Variants in STK32B observed in about 807,000 individuals in gnomAD.
The protein encoded by STK32B is serine/threonine-protein kinase 32B.
Under a neutral mutation model 52.6 loss-of-function variants are expected in STK32B, and 43 were observed. The ratio of observed to expected loss-of-function variants is 0.82; its 90% CI spans 0.64 to 1.05. The LOEUF is 1.05. Ranked by LOEUF, STK32B falls within the 50% of genes least tolerant of loss-of-function variation. The probability of loss-of-function intolerance (pLI) is 0.00; values close to 1 mark genes in which losing one functional copy is unlikely to be tolerated. For missense variants in STK32B, 621 were observed against 534.6 expected (o/e 1.16, Z -1.59); for synonymous variants, 238 against 204.3 (o/e 1.17, Z -1.41).
chr4:5,132,719 C>T (rs1176843037), intron 1 of STK32B, among the ~76,000 whole-genome samples: 2 of 152,092 alleles, frequency 1.3e-5, no homozygotes, highest in Non-Finnish European at 2.9e-5. Flanking sequence ...ATTTAACCTA[C>T]CAAGTATATG....
At chr4:5,343,281 A>T (rs2108973484) in intron 4 of STK32B, among the ~76,000 whole-genome samples, 1 of 152,062 alleles carries the variant, frequency 6.6e-6, no homozygotes, top group South Asian at 2.1e-4. Context: ...ACATGACCTC[A>T]TCATTTTTTA....
chr4:5,463,575 T>C (rs1194326652), intron 9 of STK32B, among the ~76,000 whole-genome samples: 1 of 151,570 alleles, frequency 6.6e-6, no homozygotes, highest in African/African-American at 2.4e-5. Flanking sequence ...TACCTACTCA[T>C]CCTACACAAG....
At position 5,185,439 on chromosome 4, in the gene STK32B, C is replaced by CAGA. The variant is rs1720672372; in HGVS notation, c.260+16990_260+16992dup. On this transcript the variant is annotated intron_variant, in intron 3 of 11. Coordinates refer to ENST00000282908, the MANE Select transcript of STK32B (RefSeq NM_018401.3). ...TAAGCCAAGAAACAATCACTTAAAT[C>CAGA]AGAGGCTACATTTTAAGTGTTGAGA... Among the ~76,000 whole-genome samples the CAGA allele has an allele frequency of 4.6e-5, 7 of 152,312 alleles. No homozygotes were observed. In the South Asian group the frequency reaches 1.4e-3, roughly 32 times the overall value.
intron 4 of STK32B, among the ~76,000 whole-genome samples, chr4:5,371,558 G>T (rs1174839471): frequency 6.6e-6 from 1 of 152,188 alleles, no homozygotes; most frequent in Non-Finnish European, 1.5e-5. Context: ...TCGCGCGGTT[G>T]TTGTAAAGAC....
intron 1 of STK32B, among the ~76,000 whole-genome samples, chr4:5,086,132 C>T (rs1489846443): frequency 6.6e-6 from 1 of 152,146 alleles, no homozygotes; most frequent in Non-Finnish European, 1.5e-5. Context: ...AAATAGGGCT[C>T]AAAAGCTTCT....
intron 11 of STK32B, among the ~76,000 whole-genome samples, chr4:5,478,252 C>T (rs923333537): frequency 6.6e-6 from 1 of 152,164 alleles, no homozygotes; most frequent in Non-Finnish European, 1.5e-5. Context: ...AAATCAATCC[C>T]CCATGACTCA....
chr4:5,406,253 G>T (rs1443044533), intron 5 of STK32B, among the ~76,000 whole-genome samples: 1 of 152,214 alleles, frequency 6.6e-6, no homozygotes, highest in Non-Finnish European at 1.5e-5. Context: ...AAGGCCTTGG[G>T]CATCTCTGCC....
At chr4:5,168,806 C>T (rs936882288) in intron 3 of STK32B, among the ~76,000 whole-genome samples, 1 of 152,168 alleles carries the variant, frequency 6.6e-6, no homozygotes, top group Admixed American at 6.5e-5. Flanking sequence ...CAGCTGATGG[C>T]AGGAAGGGCA....
intron 4 of STK32B, among the ~76,000 whole-genome samples, chr4:5,393,503 C>A (rs967546832): frequency 6.6e-6 from 1 of 152,156 alleles, no homozygotes; most frequent in Non-Finnish European, 1.5e-5. Context: ...GGAAGCATGG[C>A]AGCATCTGCT....
intron 5 of STK32B, among the ~76,000 whole-genome samples, chr4:5,410,990 C>T (rs1711613322): frequency 6.6e-6 from 1 of 151,606 alleles, no homozygotes; most frequent in African/African-American, 2.4e-5. Context: ...CAGTGTGAGG[C>T]CTGTTTCATG....
At chr4:5,121,926 G>T (rs1303037737) in intron 1 of STK32B, among the ~76,000 whole-genome samples, 1 of 152,202 alleles carries the variant, frequency 6.6e-6, no homozygotes, top group African/African-American at 2.4e-5. Flanking sequence ...CACAGCCCAG[G>T]CCTGTCCATG....
intron 3 of STK32B, among the ~76,000 whole-genome samples, chr4:5,276,178 G>A (rs1190243035): frequency 1.3e-5 from 2 of 151,952 alleles, no homozygotes; most frequent in Non-Finnish European, 2.9e-5. Flanking sequence ...AGTCCTGGCT[G>A]CTTGGGAGGC....
chr4:5,485,380 C>T (rs536770245), intron 11 of STK32B, among the ~76,000 whole-genome samples: 8 of 152,242 alleles, frequency 5.3e-5, no homozygotes, highest in Middle Eastern at 3.4e-3. Context: ...TTGATCGAAT[C>T]GGCTACTGAG....
chr4:5,341,910 T>G (rs1486048648), intron 4 of STK32B, among the ~76,000 whole-genome samples: 1 of 152,128 alleles, frequency 6.6e-6, no homozygotes, highest in African/African-American at 2.4e-5. Flanking sequence ...GTTTGTTATA[T>G]ATGTATACAT....
At chr4:5,048,296 A>ATTTTT (rs934389483), upstream of STK32B, among the ~76,000 whole-genome samples, 12 of 111,860 alleles carry the variant, frequency 1.1e-4, no homozygotes, top group Non-Finnish European at 1.8e-4. Context: ...TGCCTGGCTA[A>ATTTTT]TTTTTTTTTT....
At chr4:5,295,615 T>C (rs1351064434) in intron 3 of STK32B, among the ~76,000 whole-genome samples, 1 of 152,206 alleles carries the variant, frequency 6.6e-6, no homozygotes, top group Non-Finnish European at 1.5e-5. Context: ...GGATCAGTGA[T>C]GATATCTTCT....
At chr4:5,449,996 C>T (rs1715841622) in intron 7 of STK32B, among the ~76,000 whole-genome samples, 1 of 152,122 alleles carries the variant, frequency 6.6e-6, no homozygotes, top group African/African-American at 2.4e-5. Flanking sequence ...ACTTGGATCA[C>T]CCTGAAACCA....
chr4:5,139,335 A>G (rs1353322373), intron 1 of STK32B, among the ~76,000 whole-genome samples: 3 of 152,176 alleles, frequency 2.0e-5, no homozygotes, highest in Non-Finnish European at 4.4e-5. Context: ...GAGGGCAGGC[A>G]TTGACACATA....
At chr4:5,108,044 T>C (rs571804435) in intron 1 of STK32B, among the ~76,000 whole-genome samples, 5 of 152,272 alleles carry the variant, frequency 3.3e-5, no homozygotes, top group African/African-American at 1.2e-4. Flanking sequence ...CCTCTCATAC[T>C]CTTTTCCATG....
Sources: gnomAD v4.1 joint callset for allele counts (sites outside exome capture counted in the v4.1 genomes callset) on GRCh38, gnomAD v4.1.1 for gene constraint, MANE v1.5 for transcripts, NCBI Gene and HGNC (gene_info 2026-07-23, HGNC 2026-07-21) for gene names.